ROBO2: variants seen among roughly 807,000 people sequenced by gnomAD.
ROBO2 encodes roundabout guidance receptor 2.
Under a neutral mutation model 160.8 loss-of-function variants are expected in ROBO2, and 53 were observed. The observed-to-expected ratio is 0.33, with a 90% CI of 0.26 to 0.41. ROBO2 has a LOEUF of 0.41. Among genes scored for constraint, ROBO2 ranks in the 10% least tolerant of loss-of-function variants. The probability of loss-of-function intolerance (pLI) is 1.00; values close to 1 mark genes in which losing one functional copy is unlikely to be tolerated. For missense variants in ROBO2, 1,577 were observed against 1,722.4 expected (o/e 0.92, Z 1.49); for synonymous variants, 664 against 611.7 (o/e 1.09, Z -1.26).
chr3:76,802,945 G>A (rs1044381406), intron 2 of ROBO2, among the ~76,000 whole-genome samples: 1 of 152,106 alleles, frequency 6.6e-6, no homozygotes, highest in Non-Finnish European at 1.5e-5. Context: ...ATGATTTATG[G>A]AAGGCTATCT....
chr3:76,503,866 A>G (rs2107668013), intron 2 of ROBO2, among the ~76,000 whole-genome samples: 1 of 152,314 alleles, frequency 6.6e-6, no homozygotes, highest in East Asian at 1.9e-4. Context: ...CACAGCCAAG[A>G]GACCTGTTTT....
rs71277580 is a variant in ROBO2, at chr3:76,308,376, CAAAAAAAAAAA to C, written c.109+370785_109+370795del. Reference sequence around the variant, plus strand: ...TGGGTGACAGCGTGAGACTCTGTCTCAAAAAAAAAAAAAAAAAAAAAGAAAGAAAGAAAAGC... The same window carrying C: ...TGGGTGACAGCGTGAGACTCTGTCTCAAAAAAAAAAGAAAGAAAGAAAAGC... On this transcript the variant is annotated intron_variant, in intron 2 of 26. Coordinates refer to the ROBO2 transcript ENST00000487694. Among the ~76,000 whole-genome samples, 3 of 85,580 alleles carry C rather than the reference CAAAAAAAAAAA, an allele frequency of 3.5e-5. No homozygotes were observed. The Admixed American group carries it at 4.5e-4, about 13-fold the overall frequency. 56.1% of individuals were successfully genotyped at this position (85,580 alleles called of 152,430 possible). A position where few individuals can be genotyped will look rare whatever the true frequency, so the allele number is the denominator to read the frequency against.
intron 2 of ROBO2, among the ~76,000 whole-genome samples, chr3:76,071,790 A>C (rs997101168): frequency 1.5e-4 from 23 of 151,928 alleles, no homozygotes; most frequent in African/African-American, 5.5e-4. Flanking sequence ...TTTTTTAATG[A>C]TTATAATCTT....
intron 2 of ROBO2, among the ~76,000 whole-genome samples, chr3:76,197,478 A>G (rs112659734): frequency 0.028 from 4,216 of 151,408 alleles, 144 homozygotes; most frequent in African/African-American, 0.082. Flanking sequence ...CAATCTCTCT[A>G]TAGATTTGGA....
intron 2 of ROBO2, among the ~76,000 whole-genome samples, chr3:77,350,073 AT>A (rs1345823879): frequency 1.3e-5 from 2 of 150,956 alleles, no homozygotes; most frequent in South Asian, 2.1e-4. Flanking sequence ...TTAAAAAAAA[AT>A]ATATATATGT....
intron 2 of ROBO2, among the ~76,000 whole-genome samples, chr3:76,969,353 A>C (rs2059460029): frequency 6.6e-6 from 1 of 152,132 alleles, no homozygotes; most frequent in South Asian, 2.1e-4. Context: ...CAGAAATTGA[A>C]CTGGACTGCA....
chr3:76,316,260 C>T lies in ROBO2; in HGVS notation c.109+378658C>T, dbSNP rs1026565910. ...CTGAGGGTACTGCAGGAGACCAGGG[C>T]GTATCTCAGTCCTTATCTCAACCGC... is the stretch of plus-strand genomic sequence containing the variant. On this transcript the variant is annotated intron_variant, in intron 2 of 26. Transcript: ENST00000487694. Among the ~76,000 whole-genome samples, 3 of 152,070 alleles carry T rather than the reference C, an allele frequency of 2.0e-5. No individual in the cohort carries two copies. The South Asian group carries it at 6.2e-4, about 32-fold the overall frequency.
chr3:77,532,223 T>C (rs1278912725), intron 6 of ROBO2, among the ~76,000 whole-genome samples: 1 of 152,004 alleles, frequency 6.6e-6, no homozygotes, highest in East Asian at 1.9e-4. Context: ...TCTTTTTTTT[T>C]CCTCTCAGAA....
Position 77,475,154 on chromosome 3 carries a change from C to T in ROBO2, c.389-2260C>T, listed in dbSNP as rs375233134. Among the ~76,000 whole-genome samples the T allele has an allele frequency of 5.3e-5, 8 of 152,172 alleles. No individual in the cohort carries two copies. In the East Asian group the frequency reaches 7.7e-4, roughly 15 times the overall value. ...ATATCACTAAACACAAATGGATTTACTGAGTACTATACAAACCCCAAAGAG... is the reference window on the plus strand; with the variant it reads ...ATATCACTAAACACAAATGGATTTATTGAGTACTATACAAACCCCAAAGAG... On this transcript the variant is annotated intron_variant, in intron 2 of 25. Transcript: ENST00000461745.
At chr3:77,289,909 G>C (rs893862023) in intron 2 of ROBO2, among the ~76,000 whole-genome samples, 1 of 151,580 alleles carries the variant, frequency 6.6e-6, no homozygotes, top group Non-Finnish European at 1.5e-5. Context: ...GATCCCTAAA[G>C]ACATAAAGTA....
At chr3:76,059,968 G>T (rs1021225413) in intron 2 of ROBO2, among the ~76,000 whole-genome samples, 6 of 152,120 alleles carry the variant, frequency 3.9e-5, no homozygotes, top group African/African-American at 1.4e-4. Flanking sequence ...GTAGATGTGT[G>T]ATGTTATTTG....
chr3:76,166,646 T>G (rs2072850887), intron 2 of ROBO2, among the ~76,000 whole-genome samples: 1 of 152,074 alleles, frequency 6.6e-6, no homozygotes, highest in African/African-American at 2.4e-5. Flanking sequence ...CAGTTAAATT[T>G]CAGATGGATC....
intron 2 of ROBO2, among the ~76,000 whole-genome samples, chr3:76,261,006 G>A (rs1347082095): frequency 1.3e-5 from 2 of 151,962 alleles, no homozygotes; most frequent in Non-Finnish European, 2.9e-5. Context: ...TTTTTGCAAC[G>A]TACTGTAGTA....
intron 2 of ROBO2, among the ~76,000 whole-genome samples, chr3:76,421,145 G>A (rs2075979146): frequency 6.6e-6 from 1 of 151,624 alleles, no homozygotes; most frequent in South Asian, 2.1e-4. Flanking sequence ...ATAAAATGCT[G>A]TAACAAATCA....
At chr3:76,820,105 A>G (rs1214151447) in intron 2 of ROBO2, among the ~76,000 whole-genome samples, 1 of 152,086 alleles carries the variant, frequency 6.6e-6, no homozygotes, top group East Asian at 1.9e-4. Flanking sequence ...CAGTTATTGA[A>G]AAAGGCCTGT....
At chr3:76,597,189 T>C (rs1015335653) in intron 2 of ROBO2, among the ~76,000 whole-genome samples, 5 of 152,022 alleles carry the variant, frequency 3.3e-5, no homozygotes, top group Non-Finnish European at 7.4e-5. Context: ...ATTGTAATAA[T>C]CTGGGATTAG....
intron 2 of ROBO2, among the ~76,000 whole-genome samples, chr3:77,351,420 T>C (rs1479776662): frequency 1.7e-4 from 26 of 152,126 alleles, no homozygotes; most frequent in Admixed American, 1.7e-3. Flanking sequence ...GACTTTTATG[T>C]TGGGCAGGAA....
intron 2 of ROBO2, among the ~76,000 whole-genome samples, chr3:76,453,325 C>T (rs1396887376): frequency 6.6e-6 from 1 of 152,184 alleles, no homozygotes; most frequent in Non-Finnish European, 1.5e-5. Context: ...ACGTTTAAGT[C>T]TTTAATCCAT....
At chr3:76,075,504 A>G (rs532097657) in intron 2 of ROBO2, among the ~76,000 whole-genome samples, 11 of 135,990 alleles carry the variant, frequency 8.1e-5, no homozygotes, top group African/African-American at 2.8e-4. Flanking sequence ...CCTGTTTTCC[A>G]TATAACAAGT....
Sources: gnomAD v4.1 joint callset for allele counts (sites outside exome capture counted in the v4.1 genomes callset) on GRCh38, gnomAD v4.1.1 for gene constraint, MANE v1.5 for transcripts, NCBI Gene and HGNC (gene_info 2026-07-23, HGNC 2026-07-21) for gene names.